MGAT4C: variants seen among roughly 807,000 people sequenced by gnomAD.
The protein encoded by MGAT4C is alpha-1,3-mannosyl-glycoprotein 4-beta-N-acetylglucosaminyltransferase C.
A neutral mutation model predicts 40.1 loss-of-function variants in MGAT4C; 19 were observed. That is an observed-to-expected ratio of 0.47 (90% CI 0.33 to 0.70). The LOEUF (loss-of-function observed/expected upper bound fraction) is 0.70, where lower values mean the gene tolerates loss of function less well. Among genes scored for constraint, MGAT4C ranks in the 30% least tolerant of loss-of-function variants. MGAT4C has a pLI of 0.02. For synonymous variants in MGAT4C, 181 were observed against 187.1 expected, an observed-to-expected ratio of 0.97 and a Z score of 0.27; for missense variants, 491 against 563.2, an observed-to-expected ratio of 0.87 and a Z score of 1.30.
chr12:86,298,852 A>G (rs1465767507), intron 4 of MGAT4C, among the ~76,000 whole-genome samples: 1 of 152,186 alleles, frequency 6.6e-6, no homozygotes, highest in African/African-American at 2.4e-5. Flanking sequence ...TATCTATACC[A>G]ATCACTCAAT....
At chr12:86,204,726 G>A (rs140292918) in intron 1 of MGAT4C, among the ~76,000 whole-genome samples, 22 of 152,170 alleles carry the variant, frequency 1.4e-4, no homozygotes, top group Middle Eastern at 6.8e-3. Flanking sequence ...ATGATGGTGG[G>A]TCCCTACAGG....
At chr12:86,001,022 G>A (rs537623708) in intron 2 of MGAT4C, among the ~76,000 whole-genome samples, 227 of 152,162 alleles carry the variant, frequency 1.5e-3, no homozygotes, top group Admixed American at 5.0e-3. Flanking sequence ...AATTTCAATG[G>A]CTCATAATTT....
intron 2 of MGAT4C, among the ~76,000 whole-genome samples, chr12:86,631,627 C>T (rs574960658): frequency 6.6e-6 from 1 of 151,942 alleles, no homozygotes; most frequent in Non-Finnish European, 1.5e-5. Context: ...TGATCTTTGA[C>T]AAACCTGACA....
chr12:86,080,199 T>C (rs1467119593), intron 1 of MGAT4C, among the ~76,000 whole-genome samples: 1 of 152,130 alleles, frequency 6.6e-6, no homozygotes, highest in Admixed American at 6.6e-5. Flanking sequence ...TGTCTCCTGT[T>C]GTATCTATTA....
intron 3 of MGAT4C, among the ~76,000 whole-genome samples, chr12:86,410,333 G>A (rs1410840030): frequency 1.3e-5 from 2 of 151,984 alleles, no homozygotes; most frequent in African/African-American, 2.4e-5. Flanking sequence ...CTCCCAGAGC[G>A]GCCATTTATA....
chr12:86,183,485 C>A (rs1257369362), intron 1 of MGAT4C, among the ~76,000 whole-genome samples: 2 of 152,148 alleles, frequency 1.3e-5, no homozygotes, highest in African/African-American at 2.4e-5. Flanking sequence ...CAGTATCCAG[C>A]AAACTATCTG....
chr12:86,408,224 T>C (rs1956514343), intron 3 of MGAT4C, among the ~76,000 whole-genome samples: 1 of 151,998 alleles, frequency 6.6e-6, no homozygotes, highest in Non-Finnish European at 1.5e-5. Flanking sequence ...TGTAGTATGC[T>C]TCATTTTGTA....
At chr12:86,081,911 T>G (rs73377086) in intron 1 of MGAT4C, among the ~76,000 whole-genome samples, 2,766 of 152,210 alleles carry the variant, frequency 0.018, 96 homozygotes, top group African/African-American at 0.063. Flanking sequence ...GCTTAAAATC[T>G]TCATTAAAAA....
chr12:86,478,410 C>G lies in MGAT4C; in HGVS notation c.-228-43145G>C, dbSNP rs76414761. 1.8e-3 allele frequency among the ~76,000 whole-genome samples: 276 copies of G among 152,226 alleles called. 2 individuals are homozygous for G. The highest frequency in any genetic ancestry group is 2.8e-3 in the Non-Finnish European group (192 of 68,014). ...AGTAATGTATTCAGGATCTGTGGAA[C>G]AGGTAACATAGTGAACTGCCAGAGC... is the stretch of plus-strand genomic sequence containing the variant. On this transcript the variant is annotated intron_variant, in intron 2 of 7. Coordinates refer to the MGAT4C transcript ENST00000548651.
intron 2 of MGAT4C, among the ~76,000 whole-genome samples, chr12:86,020,337 A>C (rs895693320): frequency 6.6e-6 from 1 of 152,146 alleles, no homozygotes; most frequent in African/African-American, 2.4e-5. Context: ...TTTGTCATAG[A>C]TAGCTCTTAT....
At chr12:86,295,839 C>A (rs1953655748) in intron 4 of MGAT4C, among the ~76,000 whole-genome samples, 1 of 151,996 alleles carries the variant, frequency 6.6e-6, no homozygotes, top group South Asian at 2.1e-4. Context: ...CATTCACAAA[C>A]CTTGAGCTAA....
Position 85,965,141 on chromosome 12 carries a change from TTA to T in MGAT4C, c.*14146_*14147del, listed in dbSNP as rs2136648847. On this transcript the variant is annotated 3_prime_UTR_variant, in exon 5 of 5. Transcript: ENST00000611864. ...TTTATTTGTTTATTTTTATTATACT[TTA>T]AGTTTTAGGGTACATGTGCATAACG... 1 of 152,330 alleles carries T rather than the reference TTA, an allele frequency of 6.6e-6. No homozygotes were observed. The highest frequency in any genetic ancestry group is 1.9e-4 in the East Asian group (1 of 5,184). The allele number at this position is 152,330 out of a possible 1,614,324, so 9.4% of individuals were successfully genotyped here. A position where few individuals can be genotyped will look rare whatever the true frequency, so the allele number is the denominator to read the frequency against.
chr12:86,011,119 T>C (rs1473815578), intron 2 of MGAT4C, among the ~76,000 whole-genome samples: 2 of 152,120 alleles, frequency 1.3e-5, no homozygotes, highest in African/African-American at 2.4e-5. Context: ...CAAAGGGAAA[T>C]ATAATACAAT....
At chr12:86,068,869 T>C (rs114388529) in intron 1 of MGAT4C, among the ~76,000 whole-genome samples, 432 of 152,246 alleles carry the variant, frequency 2.8e-3, no homozygotes, top group African/African-American at 0.01. Context: ...CTCTTCTCTT[T>C]GTTGCAATCT....
At chr12:86,574,525 A>T (rs1960488099) in intron 2 of MGAT4C, among the ~76,000 whole-genome samples, 1 of 151,894 alleles carries the variant, frequency 6.6e-6, no homozygotes, top group East Asian at 1.9e-4. Flanking sequence ...ATTTGGAACC[A>T]GCTGGATTCT....
chr12:85,981,623 G>A (rs1884613516), intron 4 of MGAT4C, among the ~76,000 whole-genome samples: 1 of 152,152 alleles, frequency 6.6e-6, no homozygotes, highest in Admixed American at 6.5e-5. Context: ...ATAAGAGGCA[G>A]GAGTTTGGGC....
intron 2 of MGAT4C, among the ~76,000 whole-genome samples, chr12:86,639,402 G>A (rs1224465418): frequency 6.6e-6 from 1 of 151,200 alleles, no homozygotes; most frequent in Non-Finnish European, 1.5e-5. Flanking sequence ...TTGGTTTTTG[G>A]GACATTCTTA....
rs925846621 is a variant in MGAT4C, at chr12:86,697,136, T to A, written c.-229+30073A>T. Among the ~76,000 whole-genome samples the A allele has an allele frequency of 9.8e-5, 15 of 152,298 alleles. No homozygotes were observed. The East Asian group carries it at 2.7e-3, about 27-fold the overall frequency. On this transcript the variant is annotated intron_variant, in intron 2 of 7. Transcript: ENST00000548651. ...GTCCTTTCATAAGCTTCATGAGTTC[T>A]ACATAGGTGATTGGTAATCCAAAGA... is the stretch of plus-strand genomic sequence containing the variant.
In MGAT4C at chr12:86,266,964, T is replaced by C. The variant is rs541108068; in HGVS notation, c.-57+67101A>G. Reference sequence around the variant, plus strand: ...AATATTCTCTAATGATCTTTTATATTTCATATCTCCTTTTTCACTTTTGAT... The same window carrying C: ...AATATTCTCTAATGATCTTTTATATCTCATATCTCCTTTTTCACTTTTGAT... On this transcript the variant is annotated intron_variant, in intron 4 of 7. Coordinates refer to the MGAT4C transcript ENST00000548651. 3.8e-4 allele frequency among the ~76,000 whole-genome samples: 58 copies of C among 152,206 alleles called. 1 individual carries two copies. In the South Asian group the frequency reaches 1.0e-2, roughly 26 times the overall value.
Sources: gnomAD v4.1 joint callset for allele counts (sites outside exome capture counted in the v4.1 genomes callset) on GRCh38, gnomAD v4.1.1 for gene constraint, MANE v1.5 for transcripts, NCBI Gene and HGNC (gene_info 2026-07-23, HGNC 2026-07-21) for gene names.